XKR7: variants seen among roughly 807,000 people sequenced by gnomAD.
XKR7 encodes XK-related protein 7.
A neutral mutation model predicts 42.2 loss-of-function variants in XKR7; 11 were observed. That is an observed-to-expected ratio of 0.26 (90% CI 0.16 to 0.43). XKR7 has a LOEUF of 0.43. Ranked by LOEUF, XKR7 falls within the 20% of genes least tolerant of loss-of-function variation. XKR7 has a pLI of 1.00. For missense variants in XKR7, 710 were observed against 802.2 expected, an observed-to-expected ratio of 0.89 and a Z score of 1.39; for synonymous variants, 346 against 366.4, an observed-to-expected ratio of 0.94 and a Z score of 0.64.
chr20:31,996,810 G>A lies in XKR7; in HGVS notation c.1093G>A (p.Gly365Ser). ...WEEIIYNMVV[G>S]IIYIFCWFNV... is the part of the protein sequence containing the mutation. Reference sequence around the variant, plus strand: ...GGAGATCATCTACAACATGGTCGTGGGCATCATCTACATCTTCTGCTGGTT... The same window carrying A: ...GGAGATCATCTACAACATGGTCGTGAGCATCATCTACATCTTCTGCTGGTT... The change falls in exon 3 of 3, where the codon GGC (glycine) becomes AGC (serine). Residue 365 changes from glycine (G) to serine (S), a missense_variant. Physicochemically the swap from Gly to Ser is moderately conservative, Grantham distance 56. Around this residue, in one of 2 missense-constraint regions of XKR7, gnomAD observed 708 missense variants for 786.2 expected, o/e 0.90. Coordinates refer to ENST00000562532, the MANE Select transcript of XKR7 (RefSeq NM_001011718.2). 6.2e-7 allele frequency: 1 copy of A among 1,613,852 alleles called. No individual in the cohort carries two copies. The highest frequency in any genetic ancestry group is 8.5e-7 in the Non-Finnish European group (1 of 1,179,984).
intron 1 of XKR7, among the ~76,000 whole-genome samples, chr20:31,981,320 G>C (rs112557142): frequency 3.9e-5 from 6 of 152,172 alleles, no homozygotes; most frequent in African/African-American, 1.2e-4. Flanking sequence ...GGGTTGCGGC[G>C]AGCTGAGATG....
Position 31,968,773 on chromosome 20 carries a change from A to G in XKR7, c.584+14A>G, listed in dbSNP as rs1047793511. On this transcript the variant is annotated intron_variant, in intron 1 of 2. Coordinates refer to ENST00000562532, the MANE Select transcript of XKR7 (RefSeq NM_001011718.2). The surrounding 1 kb of genome is among the most constrained non-coding windows in gnomAD (Gnocchi z 4.5). ...CCAGGTCTGGAGGTAGGAGAAGCGC[A>G]GGTGGAGGGACCTGAGCCCGAGGAG... 8 of 1,485,508 alleles carry G rather than the reference A, an allele frequency of 5.4e-6. No homozygotes were observed. The highest frequency in any genetic ancestry group is 7.1e-6 in the Non-Finnish European group (8 of 1,123,804). The allele number at this position is 1,485,508 out of a possible 1,614,324, so 92.0% of individuals were successfully genotyped here.
chr20:31,974,129 G>A (rs2064475875), intron 1 of XKR7, among the ~76,000 whole-genome samples: 1 of 152,120 alleles, frequency 6.6e-6, no homozygotes, highest in African/African-American at 2.4e-5. Context: ...GCAGGTGGAG[G>A]TTGCAGTGAG....
In XKR7 at chr20:31,974,010, T is replaced by C. The variant is rs549751950; in HGVS notation, c.584+5251T>C. Reference sequence around the variant, plus strand: ...GAGATCGAGACCATCCTGGCCAACATGGTGAAAGCCGGTCTCTACTAAAAA... The same window carrying C: ...GAGATCGAGACCATCCTGGCCAACACGGTGAAAGCCGGTCTCTACTAAAAA... On this transcript the variant is annotated intron_variant, in intron 1 of 2. Coordinates refer to ENST00000562532, the MANE Select transcript of XKR7 (RefSeq NM_001011718.2). Among the ~76,000 whole-genome samples, 81 of 152,062 alleles carry C rather than the reference T, an allele frequency of 5.3e-4. 1 individual carries two copies. Among genetic ancestry groups the C allele is most frequent in the Middle Eastern group, 3.4e-3 (1 of 294 alleles).
In XKR7 at chr20:31,995,885, G is replaced by A. The variant is rs1054526826; in HGVS notation, c.787+615G>A. 1.3e-5 allele frequency among the ~76,000 whole-genome samples: 2 copies of A among 151,330 alleles called. No homozygotes were observed. Among genetic ancestry groups the A allele is most frequent in the Non-Finnish European group, 3.0e-5 (2 of 67,792 alleles). On this transcript the variant is annotated intron_variant, in intron 2 of 2. Transcript: ENST00000562532. This position sits in a 1 kb window ranked among gnomAD's most constrained non-coding sequence, Gnocchi z 4.1. ...TCCCCCTGTCTCCCTGAAGCACTCC[G>A]TGCTCTCCCAACCTAGTCCCTGCCC...
At chr20:31,990,805 C>T (rs6089141) in intron 1 of XKR7, among the ~76,000 whole-genome samples, 59,635 of 151,800 alleles carry the variant, frequency 0.39, 13,029 homozygotes, top group African/African-American at 0.59. Flanking sequence ...TCAAACATTT[C>T]CCTAGGCCCA....
Position 31,999,892 on chromosome 20 carries a change from C to G in XKR7, c.*2435C>G, listed in dbSNP as rs960592002. The G allele has an allele frequency of 6.6e-6, 1 of 152,208 alleles. No homozygotes were observed. Among genetic ancestry groups the G allele is most frequent in the African/African-American group, 2.4e-5 (1 of 41,406 alleles). The allele number at this position is 152,208 out of a possible 1,614,324, so 9.4% of individuals were successfully genotyped here. A position where few individuals can be genotyped will look rare whatever the true frequency, so the allele number is the denominator to read the frequency against. Reference sequence around the variant, plus strand: ...CTAGAGGAAAAGTCCTAGCTGGGGTCCTTTACACTCCAGGAGACTCCCAAG... The same window carrying G: ...CTAGAGGAAAAGTCCTAGCTGGGGTGCTTTACACTCCAGGAGACTCCCAAG... On this transcript the variant is annotated 3_prime_UTR_variant, in exon 3 of 3. Coordinates refer to ENST00000562532, the MANE Select transcript of XKR7 (RefSeq NM_001011718.2).
At chr20:31,987,257 C>A (rs1465708634) in intron 1 of XKR7, among the ~76,000 whole-genome samples, 1 of 148,586 alleles carries the variant, frequency 6.7e-6, no homozygotes, top group Non-Finnish European at 1.5e-5. Flanking sequence ...GACAAACAGA[C>A]CACCAAGCAG....
intron 1 of XKR7, among the ~76,000 whole-genome samples, chr20:31,989,279 C>CG (rs1289767573): frequency 1.7e-5 from 2 of 118,518 alleles, no homozygotes; most frequent in African/African-American, 6.7e-5. Context: ...TAGGACACCC[C>CG]CCCCCCAGCG....
rs2064449277 is a variant in XKR7, at chr20:31,968,708, T to A, written c.533T>A (p.Ile178Asn). The A allele has an allele frequency of 6.4e-7, 1 of 1,565,918 alleles. No homozygotes were observed. Among genetic ancestry groups the A allele is most frequent in the South Asian group, 1.2e-5 (1 of 86,390 alleles). The change falls in exon 1 of 3, where the codon ATC becomes AAC. Residue 178 changes from isoleucine to asparagine, a missense_variant. This residue lies in a region of XKR7 where 708 missense variants were observed against 786.2 expected (regional missense o/e 0.90). Coordinates refer to ENST00000562532, the MANE Select transcript of XKR7 (RefSeq NM_001011718.2). This position sits in a 1 kb window ranked among gnomAD's most constrained non-coding sequence, Gnocchi z 4.5. Reference sequence around the variant, plus strand: ...CGCCGCCGCTGCTGCCGCCTCTGCATCTGGCTGCTGCAGACCCTCGTCCAC... The same window carrying A: ...CGCCGCCGCTGCTGCCGCCTCTGCAACTGGCTGCTGCAGACCCTCGTCCAC... ...AYRRRCCRLC[I>N]WLLQTLVHLL...
chr20:31,990,971 C>T (rs993673820), intron 1 of XKR7, among the ~76,000 whole-genome samples: 3 of 152,206 alleles, frequency 2.0e-5, no homozygotes, highest in African/African-American at 7.2e-5. Flanking sequence ...CCCACTGACC[C>T]CACATTCCTG....
In XKR7 at chr20:31,998,069, A is replaced by G. The variant is rs1193949514; in HGVS notation, c.*612A>G. ...GGGGCTGGCAGTGCTGGAGATGGAT[A>G]GGAGAAAGAACTGGGGGGGGGGTCT... On this transcript the variant is annotated 3_prime_UTR_variant, in exon 3 of 3. Coordinates refer to ENST00000562532, the MANE Select transcript of XKR7 (RefSeq NM_001011718.2). 2.1e-5 allele frequency: 2 copies of G among 93,738 alleles called. No homozygotes were observed. Among genetic ancestry groups the G allele is most frequent in the Admixed American group, 3.2e-4 (2 of 6,326 alleles). 5.8% of individuals were successfully genotyped at this position (93,738 alleles called of 1,614,324 possible). A position where few individuals can be genotyped will look rare whatever the true frequency, so the allele number is the denominator to read the frequency against.
At position 31,995,377 on chromosome 20, in the gene XKR7, G is replaced by T; in HGVS notation, c.787+107G>T. 8 of 1,503,632 alleles carry T rather than the reference G, an allele frequency of 5.3e-6. No individual in the cohort carries two copies. The highest frequency in any genetic ancestry group is 7.1e-6 in the Non-Finnish European group (8 of 1,134,506). The allele number at this position is 1,503,632 out of a possible 1,614,324, so 93.1% of individuals were successfully genotyped here. A position where few individuals can be genotyped will look rare whatever the true frequency, so the allele number is the denominator to read the frequency against. ...TGTGGGCTTCCCCACCCCAGCTCAG[G>T]GCTCACTCAGTCAGGGTTTAGGGAG... On this transcript the variant is annotated intron_variant, in intron 2 of 2. Coordinates refer to ENST00000562532, the MANE Select transcript of XKR7 (RefSeq NM_001011718.2). This position sits in a 1 kb window ranked among gnomAD's most constrained non-coding sequence, Gnocchi z 4.1.
At chr20:31,987,647 C>T (rs1408485826) in intron 1 of XKR7, among the ~76,000 whole-genome samples, 2 of 152,158 alleles carry the variant, frequency 1.3e-5, no homozygotes, top group African/African-American at 2.4e-5. Flanking sequence ...GACAGACAGA[C>T]CACCAAACAG....
At chr20:31,993,699 T>A (rs1457249885) in intron 1 of XKR7, among the ~76,000 whole-genome samples, 13 of 152,212 alleles carry the variant, frequency 8.5e-5, no homozygotes, top group Admixed American at 8.5e-4. Context: ...CTAGTCATTC[T>A]CCAGGTACTC....
In XKR7 at chr20:31,997,861, GTGGGCTGCCTCTA is replaced by G. The variant is rs142377339; in HGVS notation, c.*408_*420del. On this transcript the variant is annotated 3_prime_UTR_variant, in exon 3 of 3. Transcript: ENST00000562532. ...CTGTGCTCCTCAGGGGTTGTGGAGA[GTGGGCTGCCTCTA>G]TGGTGGGAAAAGATCTCTGAGAAGG... 464 of 190,976 alleles carry G rather than the reference GTGGGCTGCCTCTA, an allele frequency of 2.4e-3. 3 individuals are homozygous for G. The highest frequency in any genetic ancestry group is 0.01 in the African/African-American group (443 of 42,770). 11.8% of individuals were successfully genotyped at this position (190,976 alleles called of 1,614,324 possible).
At chr20:31,989,697 T>C (rs1219463560) in intron 1 of XKR7, among the ~76,000 whole-genome samples, 4 of 152,182 alleles carry the variant, frequency 2.6e-5, no homozygotes, top group African/African-American at 4.8e-5. Context: ...GACTGCAGCC[T>C]CGAACTCCTG....
chr20:31,969,681 C>G (rs944293436), intron 1 of XKR7, among the ~76,000 whole-genome samples: 1 of 152,218 alleles, frequency 6.6e-6, no homozygotes, highest in Non-Finnish European at 1.5e-5. Context: ...TTCCAAGCCT[C>G]AGTTTCCTCT....
At position 32,000,834 on chromosome 20, in the gene XKR7, AC is replaced by A. The variant is rs1297089025; in HGVS notation, c.*3381del. 2 of 152,286 alleles carry A rather than the reference AC, an allele frequency of 1.3e-5. No homozygotes were observed. The highest frequency in any genetic ancestry group is 3.9e-4 in the East Asian group (2 of 5,176). 9.4% of individuals were successfully genotyped at this position (152,286 alleles called of 1,614,324 possible). ...ATGTGCCATGTGCCTTGTAACTGTC[AC>A]CCCAGCTGAACAGCACAGACCTCCC... On this transcript the variant is annotated 3_prime_UTR_variant, in exon 3 of 3. Coordinates refer to ENST00000562532, the MANE Select transcript of XKR7 (RefSeq NM_001011718.2).
Sources: gnomAD v4.1 joint callset for allele counts (sites outside exome capture counted in the v4.1 genomes callset) on GRCh38, gnomAD v4.1.1 for gene constraint, gnomAD v4.1.1 regional missense constraint, Gnocchi (gnomAD v3.1) non-coding constraint, MANE v1.5 for transcripts, NCBI Gene and HGNC (gene_info 2026-07-23, HGNC 2026-07-21) for gene names.